PLCG2: variants seen among roughly 807,000 people sequenced by gnomAD.
The protein encoded by PLCG2 is phospholipase C gamma 2, also known as 1-phosphatidylinositol 4,5-bisphosphate phosphodiesterase gamma-2.
In PLCG2, 69 loss-of-function variants were observed where a neutral mutation model predicts 175.6. That is an observed-to-expected ratio of 0.39 (90% CI 0.32 to 0.48). The LOEUF (loss-of-function observed/expected upper bound fraction) is 0.48. Ranked by LOEUF, PLCG2 falls within the 20% of genes least tolerant of loss-of-function variation. The pLI is 0.91. For synonymous variants in PLCG2, 827 were observed against 624.0 expected (o/e 1.33, Z -4.85); for missense variants, 1,798 against 1,650.9 (o/e 1.09, Z -1.54).
At chr16:81,900,558 G>C in intron 13 of PLCG2, 54 bp from the exon 14 acceptor site, 1 of 1,494,626 alleles carries the variant, frequency 6.7e-7, no homozygotes, top group Non-Finnish European at 9.1e-7. Context: ...CTGTGGGGCA[G>C]ATGCAGAGGT....
At chr16:81,936,988 C>A (rs1335405076) in intron 27 of PLCG2, among the ~76,000 whole-genome samples, 1 of 152,188 alleles carries the variant, frequency 6.6e-6, no homozygotes, top group African/African-American at 2.4e-5. Context: ...GACAGCACTG[C>A]CTTCTGTACC....
At chr16:81,841,457 T>C (rs1905826170) in intron 2 of PLCG2, among the ~76,000 whole-genome samples, 1 of 152,014 alleles carries the variant, frequency 6.6e-6, no homozygotes, top group Non-Finnish European at 1.5e-5. Context: ...GCCAGGCTGG[T>C]TTCAAACTCC....
At chr16:81,934,136 G>C (rs896853629) in intron 25 of PLCG2, among the ~76,000 whole-genome samples, 1 of 152,132 alleles carries the variant, frequency 6.6e-6, no homozygotes, top group Non-Finnish European at 1.5e-5. Flanking sequence ...AAGACAGAGG[G>C]GTGGTGACAG....
chr16:81,942,434 T>C (rs930020250), intron 30 of PLCG2, among the ~76,000 whole-genome samples: 1 of 152,156 alleles, frequency 6.6e-6, no homozygotes, highest in Non-Finnish European at 1.5e-5. Context: ...TTCTAGCTCC[T>C]AGCAGTGCCT....
chr16:81,884,905 A>G (rs1256711777), intron 9 of PLCG2, among the ~76,000 whole-genome samples: 1 of 151,896 alleles, frequency 6.6e-6, no homozygotes, highest in African/African-American at 2.4e-5. Context: ...TTTGTTTGAG[A>G]TAAGGTCTCA....
At chr16:81,951,774 C>T (rs750911030) in intron 31 of PLCG2, among the ~76,000 whole-genome samples, 9 of 152,100 alleles carry the variant, frequency 5.9e-5, no homozygotes, top group Non-Finnish European at 1.2e-4. Flanking sequence ...AACACCAGCA[C>T]AGTTAGCAAC....
intron 25 of PLCG2, among the ~76,000 whole-genome samples, chr16:81,932,932 C>G (rs990759617): frequency 2.6e-5 from 4 of 152,212 alleles, no homozygotes; most frequent in African/African-American, 4.8e-5. Context: ...TCTCTGATGC[C>G]ACAGTACAGC....
chr16:81,956,567 T>G, intron 31 of PLCG2, 128 bp from the exon 32 acceptor site: 1 of 656,032 alleles, frequency 1.5e-6, no homozygotes, highest in Non-Finnish European at 2.6e-6. Flanking sequence ...CTGGCTCTTC[T>G]GGGCTAATCC....
At chr16:81,916,363 G>A (rs1909843186) in intron 19 of PLCG2, among the ~76,000 whole-genome samples, 1 of 151,350 alleles carries the variant, frequency 6.6e-6, no homozygotes, top group Non-Finnish European at 1.5e-5. Flanking sequence ...TCTCTCTATA[G>A]TGCAAAAAAT....
intron 4 of PLCG2, among the ~76,000 whole-genome samples, chr16:81,858,884 A>G (rs1906821751): frequency 6.6e-6 from 1 of 152,154 alleles, no homozygotes; most frequent in African/African-American, 2.4e-5. Context: ...CTATCATCAG[A>G]AGGAATTGAC....
rs374390386 is a variant in PLCG2, at chr16:81,921,263, G to A, written c.2301G>A (p.Pro767=). The A allele has an allele frequency of 1.6e-5, 26 of 1,603,734 alleles. No individual in the cohort carries two copies. The highest frequency in any genetic ancestry group is 2.2e-5 in the East Asian group (1 of 44,812). The change falls in exon 21 of 33, where the codon CCG becomes CCA. Residue 767 remains proline, a synonymous_variant. Transcript: ENST00000564138. The part of the protein sequence containing the change: ...RMYVDPSEIN[P]SMPQRTVKAL... ...ATGTGGATCCCAGTGAAATCAATCC[G>A]TCCATGGTACGGTGCCGAACCTCCA... is the stretch of plus-strand genomic sequence containing the variant.
chr16:81,808,184 A>G (rs1904290569), intron 2 of PLCG2, among the ~76,000 whole-genome samples: 1 of 152,210 alleles, frequency 6.6e-6, no homozygotes, highest in Non-Finnish European at 1.5e-5. Context: ...CCATGCAGTA[A>G]CCATTCATTT....
At chr16:81,783,290 C>T (rs1043323104) in intron 1 of PLCG2, among the ~76,000 whole-genome samples, 10 of 152,234 alleles carry the variant, frequency 6.6e-5, no homozygotes, top group African/African-American at 2.4e-4. Context: ...GTTTCAGCTA[C>T]TTTTTTAAAA....
In PLCG2 at chr16:81,931,645, T is replaced by A. The variant is rs1314301850; in HGVS notation, c.2730T>A (p.Ile910=). ...FQSIREITWK[I]DTKENNMKYW... Reference sequence around the variant, plus strand: ...GCATCCGAGAGATCACCTGGAAGATTGACACCAAGGTAGGCACCTGCTCAC... The same window carrying A: ...GCATCCGAGAGATCACCTGGAAGATAGACACCAAGGTAGGCACCTGCTCAC... The change falls in exon 25 of 33, where the codon ATT becomes ATA. Residue 910 remains isoleucine, a synonymous_variant. Transcript: ENST00000564138. 3.7e-6 allele frequency: 6 copies of A among 1,613,466 alleles called. No individual in the cohort carries two copies. Among genetic ancestry groups the A allele is most frequent in the African/African-American group, 1.3e-5 (1 of 74,892 alleles).
At position 81,904,933 on chromosome 16, in the gene PLCG2, G is replaced by A. The variant is rs183475594; in HGVS notation, c.1363-470G>A. Among the ~76,000 whole-genome samples, 137 of 152,298 alleles carry A rather than the reference G, an allele frequency of 9.0e-4. No individual in the cohort carries two copies. In the East Asian group the frequency reaches 0.018, roughly 20 times the overall value. On this transcript the variant is annotated intron_variant, in intron 14 of 32. Coordinates refer to ENST00000564138, the MANE Select transcript of PLCG2 (RefSeq NM_002661.5). ...GACAGAGTCTCACTCTGTTGCCCAGGCTGGAGTGCAGTGGTGCAGTCTCAG... is the reference window on the plus strand; with the variant it reads ...GACAGAGTCTCACTCTGTTGCCCAGACTGGAGTGCAGTGGTGCAGTCTCAG...
chr16:81,838,558 A>G (rs1311252330), intron 2 of PLCG2, among the ~76,000 whole-genome samples: 1 of 151,946 alleles, frequency 6.6e-6, no homozygotes, highest in East Asian at 1.9e-4. Flanking sequence ...GAGTTGAACA[A>G]TGAGAACACA....
Position 81,891,501 on chromosome 16 carries a change from C to T in PLCG2, c.897C>T (p.Asn299=), listed in dbSNP as rs753413002. The T allele has an allele frequency of 1.2e-6, 2 of 1,609,128 alleles. No homozygotes were observed. Among genetic ancestry groups the T allele is most frequent in the African/African-American group, 2.7e-5 (2 of 74,798 alleles). ...EFLTYLFSRE[N]SIWDEKYDAV... is the part of the protein sequence containing the mutation. ...TCACGTACCTGTTTTCACGAGAAAA[C>T]AGCATCTGGGATGAGAAGTATGACG... Residue 299 remains asparagine, a synonymous_variant, in exon 11 of 33, where the codon AAC becomes AAT. Coordinates refer to ENST00000564138, the MANE Select transcript of PLCG2 (RefSeq NM_002661.5).
chr16:81,873,973 T>A (rs1315023074), intron 7 of PLCG2, among the ~76,000 whole-genome samples: 1 of 152,142 alleles, frequency 6.6e-6, no homozygotes, highest in Non-Finnish European at 1.5e-5. Flanking sequence ...AATCAGAGTT[T>A]TACAAAATGT....
At chr16:81,928,148 A>G (rs1257648395) in intron 23 of PLCG2, among the ~76,000 whole-genome samples, 3 of 152,164 alleles carry the variant, frequency 2.0e-5, no homozygotes, top group Non-Finnish European at 4.4e-5. Flanking sequence ...GCCAGGTCAT[A>G]GAGCATGGGT....
Sources: gnomAD v4.1 joint callset for allele counts (sites outside exome capture counted in the v4.1 genomes callset) on GRCh38, gnomAD v4.1.1 for gene constraint, MANE v1.5 for transcripts, NCBI Gene and HGNC (gene_info 2026-07-23, HGNC 2026-07-21) for gene names.